Variants in ZSCAN23 observed in about 807,000 individuals in gnomAD.
ZSCAN23 encodes the protein zinc finger and SCAN domain containing 23, also known as zinc finger and SCAN domain-containing protein 23.
ZSCAN23 carries 19 observed loss-of-function variants against 19.3 expected under a neutral mutation model. That is an observed-to-expected ratio of 0.99 (90% CI 0.69 to 1.45). The LOEUF (loss-of-function observed/expected upper bound fraction) is 1.45. ZSCAN23 is among the 40% of genes most tolerant of loss of function. ZSCAN23 has a pLI of 0.00. For synonymous variants in ZSCAN23, 140 were observed against 166.2 expected, an observed-to-expected ratio of 0.84 and a Z score of 1.21; for missense variants, 372 against 462.5, an observed-to-expected ratio of 0.80 and a Z score of 1.79.
At position 28,435,005 on chromosome 6, in the gene ZSCAN23, T is replaced by C. The variant is rs1442415443; in HGVS notation, c.630A>G (p.Ile210Met). The C allele has an allele frequency of 1.9e-6, 3 of 1,551,602 alleles. No individual in the cohort carries two copies. Among genetic ancestry groups the C allele is most frequent in the Non-Finnish European group, 2.6e-6 (3 of 1,146,890 alleles). The change falls in exon 4 of 4, where the codon ATA (isoleucine) becomes ATG (methionine). Residue 210 changes from isoleucine (I) to methionine (M), a missense_variant. Coordinates refer to ENST00000289788, the MANE Select transcript of ZSCAN23 (RefSeq NM_001012455.2). Reference protein sequence around the residue: ...REISQEVKSLIQVLGKQNGNI... With the variant: ...REISQEVKSLMQVLGKQNGNI... ...TACCATTCTGTTTTCCAAGAACTTG[T>C]ATAAGAGATTTCACTTCCTGAGAAA...
At chr6:28,435,635 C>A in intron 2 of ZSCAN23, 28 bp from the exon 3 acceptor site, 1 of 1,542,400 alleles carries the variant, frequency 6.5e-7, no homozygotes, top group African/African-American at 1.4e-5. Context: ...CAGTTGGGAA[C>A]CCAATATCAG....
rs1435324219 is a variant in ZSCAN23 at position 28,433,753 on chromosome 6, G to A, written c.*712C>T. ...AAAAAATGCTCATTATATGTTACGG[G>A]AAAAATACAAAGAGGCCTGTATTTT... On this transcript the variant is annotated 3_prime_UTR_variant, in exon 4 of 4. Coordinates refer to ENST00000289788, the MANE Select transcript of ZSCAN23 (RefSeq NM_001012455.2). 1 of 151,958 alleles carries A rather than the reference G, an allele frequency of 6.6e-6. No individual in the cohort carries two copies. Among genetic ancestry groups the A allele is most frequent in the Non-Finnish European group, 1.5e-5 (1 of 67,976 alleles). 9.4% of individuals were successfully genotyped at this position (151,958 alleles called of 1,614,324 possible). A position where few individuals can be genotyped will look rare whatever the true frequency, so the allele number is the denominator to read the frequency against.
the ZSCAN23 span, among the ~76,000 whole-genome samples, chr6:28,424,833 G>A: frequency 6.6e-6 from 1 of 152,194 alleles, no homozygotes; most frequent in Non-Finnish European, 1.5e-5. Context: ...TCATCCATGA[G>A]GATGGGAATC....
Position 28,435,849 on chromosome 6 carries a change from A to G in ZSCAN23, c.408+10T>C, listed in dbSNP as rs1299923079. The G allele has an allele frequency of 6.4e-7, 1 of 1,562,024 alleles. No homozygotes were observed. Among genetic ancestry groups the G allele is most frequent in the Non-Finnish European group, 8.6e-7 (1 of 1,158,296 alleles). ...TATAGGTACAAATCCCTGTTCTCCC[A>G]TCTTCTCACCTGCTCTCCTGGGTCA... On this transcript the variant is annotated intron_variant, in intron 2 of 3. Transcript: ENST00000289788.
In ZSCAN23 at chr6:28,434,264, AATC is replaced by A; in HGVS notation, c.*198_*200del. ...ACTAGGTCTACAGCATACATGATGA[AATC>A]AACACAAGAGGCAACATTCAGTATT... On this transcript the variant is annotated 3_prime_UTR_variant, in exon 4 of 4. Transcript: ENST00000289788. 2 of 560,810 alleles carry A rather than the reference AATC, an allele frequency of 3.6e-6. No homozygotes were observed. Among genetic ancestry groups the A allele is most frequent in the East Asian group, 2.9e-5 (1 of 34,940 alleles). The allele number at this position is 560,810 out of a possible 1,614,324, so 34.7% of individuals were successfully genotyped here.
chr6:28,442,254 T>A (rs896072540), intron 1 of ZSCAN23, among the ~76,000 whole-genome samples: 1 of 152,128 alleles, frequency 6.6e-6, no homozygotes, highest in Non-Finnish European at 1.5e-5. Flanking sequence ...TGAAATGAGG[T>A]CAACAACTGC....
In ZSCAN23 at chr6:28,434,661, C is replaced by G; in HGVS notation, c.974G>C (p.Arg325Thr). ...SQNAGLFHHL[R>T]IHTGEKPYQC... is the part of the protein sequence containing the mutation. ...GTAAGGCTTCTCCCCAGTGTGAATTCTGAGGTGATGGAAAAGCCCGGCATT... is the reference window on the plus strand; with the variant it reads ...GTAAGGCTTCTCCCCAGTGTGAATTGTGAGGTGATGGAAAAGCCCGGCATT... The change falls in exon 4 of 4, where the codon AGA (arginine) becomes ACA (threonine). Residue 325 changes from arginine to threonine, a missense_variant. Arg to Thr is a moderately conservative substitution (Grantham distance 71). Coordinates refer to ENST00000289788, the MANE Select transcript of ZSCAN23 (RefSeq NM_001012455.2). 1 of 1,569,392 alleles carries G rather than the reference C, an allele frequency of 6.4e-7. No homozygotes were observed. Among genetic ancestry groups the G allele is most frequent in the Non-Finnish European group, 8.6e-7 (1 of 1,157,046 alleles).
rs969771179 is a variant in ZSCAN23 at position 28,434,995 on chromosome 6, C to T, written c.640G>A (p.Gly214Arg). 5.2e-6 allele frequency: 8 copies of T among 1,551,590 alleles called. No individual in the cohort carries two copies. Among genetic ancestry groups the T allele is most frequent in the African/African-American group, 4.1e-5 (3 of 73,028 alleles). Residue 214 changes from glycine (G) to arginine (R), a missense_variant, in exon 4 of 4, where the codon GGA becomes AGA. Coordinates refer to ENST00000289788, the MANE Select transcript of ZSCAN23 (RefSeq NM_001012455.2). The part of the protein sequence containing the change: ...QEVKSLIQVL[G>R]KQNGNITQIP... The stretch of plus-strand genomic sequence containing the variant: ...TGAGTAATATTACCATTCTGTTTTC[C>T]AAGAACTTGTATAAGAGATTTCACT...
chr6:28,432,109 A>C (rs1761771462), downstream of ZSCAN23: 3 of 152,172 alleles, frequency 2.0e-5, no homozygotes, highest in African/African-American at 7.2e-5. Flanking sequence ...TCCTTTACAA[A>C]ATTTTTAAGG....
intron 1 of ZSCAN23, among the ~76,000 whole-genome samples, chr6:28,442,416 T>G (rs1762019715): frequency 6.6e-6 from 1 of 152,210 alleles, no homozygotes; most frequent in East Asian, 1.9e-4. Flanking sequence ...TACTTTCCCT[T>G]AGGGCCAAGA....
At chr6:28,425,710 A>AG in the ZSCAN23 span, among the ~76,000 whole-genome samples, 1 of 152,202 alleles carries the variant, frequency 6.6e-6, no homozygotes, top group African/African-American at 2.4e-5. Flanking sequence ...CTATCAAGAA[A>AG]GGCAGACTGT....
downstream of ZSCAN23, among the ~76,000 whole-genome samples, chr6:28,429,019 C>T (rs1256655519): frequency 6.6e-6 from 1 of 152,166 alleles, no homozygotes; most frequent in African/African-American, 2.4e-5. Flanking sequence ...CCTTCATTTA[C>T]TTGTGGTTTT....
intron 1 of ZSCAN23, among the ~76,000 whole-genome samples, chr6:28,442,454 A>G (rs1026040695): frequency 6.6e-6 from 1 of 152,242 alleles, no homozygotes; most frequent in African/African-American, 2.4e-5. Context: ...TGCTCAAAGA[A>G]CAAGATGAGT....
At chr6:28,439,650 C>G (rs906291344) in intron 1 of ZSCAN23, among the ~76,000 whole-genome samples, 1 of 152,130 alleles carries the variant, frequency 6.6e-6, no homozygotes, top group African/African-American at 2.4e-5. Flanking sequence ...GTGCTTTTAA[C>G]GTGCCAGGTA....
At chr6:28,442,059 G>A (rs1323930936) in intron 1 of ZSCAN23, among the ~76,000 whole-genome samples, 1 of 151,766 alleles carries the variant, frequency 6.6e-6, no homozygotes, top group Non-Finnish European at 1.5e-5. Context: ...TGCATTTTTA[G>A]TAGGATGGAG....
the ZSCAN23 span, among the ~76,000 whole-genome samples, chr6:28,424,492 T>C: frequency 6.6e-6 from 1 of 152,226 alleles, no homozygotes; most frequent in Non-Finnish European, 1.5e-5. Context: ...TATGTGATGC[T>C]GTTTAATAGC....
At chr6:28,437,160 T>G (rs1761909035) in intron 1 of ZSCAN23, among the ~76,000 whole-genome samples, 1 of 152,214 alleles carries the variant, frequency 6.6e-6, no homozygotes, top group Non-Finnish European at 1.5e-5. Context: ...CAGAAAGTAG[T>G]TGACTGCAGT....
At chr6:28,435,408 GATAA>G in intron 3 of ZSCAN23, 48 bp downstream of exon 3, 1 of 1,533,400 alleles carries the variant, frequency 6.5e-7, no homozygotes, top group Non-Finnish European at 8.8e-7. Context: ...GGGTTGAATT[GATAA>G]ATATTCAGGG....
chr6:28,439,624 A>C (rs774767111), intron 1 of ZSCAN23, among the ~76,000 whole-genome samples: 22 of 152,180 alleles, frequency 1.4e-4, no homozygotes, highest in Non-Finnish European at 2.6e-4. Context: ...AGTATTAATA[A>C]TAGCGGACAT....
Sources: allele counts gnomAD v4.1 joint callset (sites outside exome capture counted in the v4.1 genomes callset), GRCh38; gene constraint gnomAD v4.1.1; transcripts MANE v1.5; gene names NCBI Gene and HGNC (gene_info 2026-07-23, HGNC 2026-07-21).